Variants in ANKRD44 observed in about 807,000 individuals in gnomAD.
ANKRD44 encodes the protein serine/threonine-protein phosphatase 6 regulatory ankyrin repeat subunit B.
In ANKRD44, 35 loss-of-function variants were observed where a neutral mutation model predicts 116.0. The observed-to-expected ratio is 0.30, with a 90% CI of 0.23 to 0.40. The LOEUF is 0.40. Among genes scored for constraint, ANKRD44 ranks in the 10% least tolerant of loss-of-function variants. The probability of loss-of-function intolerance (pLI) is 1.00; values close to 1 mark genes in which losing one functional copy is unlikely to be tolerated. For missense variants in ANKRD44, 1,014 were observed against 1,242.6 expected (o/e 0.82, Z 2.77); for synonymous variants, 435 against 461.8 (o/e 0.94, Z 0.74).
chr2:197,093,386 T>C (rs746130210), intron 10 of ANKRD44, among the ~76,000 whole-genome samples: 8 of 152,210 alleles, frequency 5.3e-5, no homozygotes, highest in South Asian at 2.1e-4. Flanking sequence ...CTTTGTATAA[T>C]TCATCAAACT....
chr2:197,206,091 G>A lies in ANKRD44; in HGVS notation c.28-18985C>T, dbSNP rs2081199114. Reference sequence around the variant, plus strand: ...CACATTTTAGTAGCTCAGACTGGCTGCGGAGAGGAGAATGGATTGGCGGAG... The same window carrying A: ...CACATTTTAGTAGCTCAGACTGGCTACGGAGAGGAGAATGGATTGGCGGAG... On this transcript the variant is annotated intron_variant, in intron 1 of 27. Transcript: ENST00000282272. Among the ~76,000 whole-genome samples the A allele has an allele frequency of 1.3e-5, 2 of 152,188 alleles. 1 individual carries two copies. The highest frequency in any genetic ancestry group is 4.1e-4 in the South Asian group (2 of 4,838).
At chr2:196,982,106 A>ATTTTT, downstream of ANKRD44, among the ~76,000 whole-genome samples, 2 of 104,864 alleles carry the variant, frequency 1.9e-5, no homozygotes, top group Non-Finnish European at 3.7e-5. Flanking sequence ...TACTAAAAAA[A>ATTTTT]ATTATATATA....
At chr2:197,139,729 C>T (rs1238370638) in intron 3 of ANKRD44, among the ~76,000 whole-genome samples, 3 of 151,832 alleles carry the variant, frequency 2.0e-5, no homozygotes, top group African/African-American at 7.3e-5. Flanking sequence ...CTATATTATT[C>T]TCCATAGTTT....
intron 16 of ANKRD44, among the ~76,000 whole-genome samples, chr2:197,054,045 G>A (rs182600845): frequency 4.1e-4 from 62 of 152,290 alleles, no homozygotes; most frequent in African/African-American, 1.5e-3. Flanking sequence ...CAAAGGAGGA[G>A]AATAGATATC....
At chr2:197,181,854 C>G (rs547266638) in intron 2 of ANKRD44, among the ~76,000 whole-genome samples, 9 of 152,148 alleles carry the variant, frequency 5.9e-5, no homozygotes, top group Non-Finnish European at 4.4e-5. Flanking sequence ...AGTCTAGTTC[C>G]GTTTTAATTT....
chr2:197,068,992 T>A (rs1402913577), intron 16 of ANKRD44, among the ~76,000 whole-genome samples: 2 of 152,198 alleles, frequency 1.3e-5, no homozygotes, highest in Non-Finnish European at 2.9e-5. Context: ...TAAAGACACA[T>A]GCACACATAT....
At chr2:197,118,606 A>G (rs2078768002) in intron 8 of ANKRD44, among the ~76,000 whole-genome samples, 1 of 95,882 alleles carries the variant, frequency 1.0e-5, no homozygotes, top group Non-Finnish European at 2.0e-5. Flanking sequence ...CAAAAGAAAG[A>G]GAGAAAGAAA....
chr2:197,237,110 C>T (rs12162325), intron 1 of ANKRD44, among the ~76,000 whole-genome samples: 51,704 of 152,008 alleles, frequency 0.34, 10,813 homozygotes, highest in East Asian at 0.61. Context: ...AGTCCTTTGC[C>T]GTCAACTGTC....
chr2:196,986,571 TA>T, downstream of ANKRD44: 1 of 400,920 alleles, frequency 2.5e-6, no homozygotes, highest in Non-Finnish European at 3.4e-6. Flanking sequence ...GATTATTTTC[TA>T]AATTTAAAGT....
chr2:197,060,074 C>A (rs942218070), intron 16 of ANKRD44, among the ~76,000 whole-genome samples: 1 of 152,184 alleles, frequency 6.6e-6, no homozygotes, highest in African/African-American at 2.4e-5. Context: ...AGTCTCACAG[C>A]GTGTCACCTG....
intron 17 of ANKRD44, among the ~76,000 whole-genome samples, chr2:197,019,131 C>G (rs1056394306): frequency 7.9e-5 from 12 of 152,106 alleles, no homozygotes; most frequent in Non-Finnish European, 1.8e-4. Flanking sequence ...GAATCAGAAA[C>G]CTAAACCCTT....
At chr2:197,283,968 A>C (rs1475046497) in intron 1 of ANKRD44, among the ~76,000 whole-genome samples, 1 of 152,216 alleles carries the variant, frequency 6.6e-6, no homozygotes, top group Admixed American at 6.5e-5. Flanking sequence ...GAGGTACCAG[A>C]TACAGAGAGA....
At position 197,212,942 on chromosome 2, in the gene ANKRD44, T is replaced by C. The variant is rs572579651; in HGVS notation, c.28-25836A>G. Among the ~76,000 whole-genome samples the C allele has an allele frequency of 6.6e-6, 1 of 152,242 alleles. No homozygotes were observed. The highest frequency in any genetic ancestry group is 1.9e-4 in the East Asian group (1 of 5,188). ...CACAGAGCTGACTGGGATTCTAGTG[T>C]TTAAAGAAACATATTTTTCATACAA... On this transcript the variant is annotated intron_variant, in intron 1 of 27. Transcript: ENST00000282272. The surrounding 1 kb of genome is among the most constrained non-coding windows in gnomAD (Gnocchi z 4.8).
intron 24 of ANKRD44, 149 bp downstream of exon 24, chr2:196,998,758 C>G: frequency 9.1e-7 from 1 of 1,092,898 alleles, no homozygotes; most frequent in Non-Finnish European, 1.3e-6. Context: ...CTGAAAGACG[C>G]TTGAGCAGGT....
At chr2:197,308,172 C>CA (rs765233263) in intron 1 of ANKRD44, among the ~76,000 whole-genome samples, 136 of 63,056 alleles carry the variant, frequency 2.2e-3, no homozygotes, top group African/African-American at 3.5e-3. Context: ...CACACACACA[C>CA]AAAAAAAAAA....
chr2:197,211,609 A>G (rs540038111), intron 1 of ANKRD44, among the ~76,000 whole-genome samples: 10 of 152,164 alleles, frequency 6.6e-5, no homozygotes, highest in Non-Finnish European at 1.5e-4. Context: ...ACTTAAAAAA[A>G]TTAACCATCT....
At position 196,986,982 on chromosome 2, in the gene ANKRD44, G is replaced by A. The variant is rs2075844542; in HGVS notation, c.*2609C>T. The A allele has an allele frequency of 3.0e-6, 3 of 985,188 alleles. No homozygotes were observed. The South Asian group carries it at 1.4e-4, about 46-fold the overall frequency. The allele number at this position is 985,188 out of a possible 1,614,324, so 61.0% of individuals were successfully genotyped here. A position where few individuals can be genotyped will look rare whatever the true frequency, so the allele number is the denominator to read the frequency against. ...ATATGTTATGCAAAATATAACACTG[G>A]CACCAGATTTGTATCATCGTGCTTT... On this transcript the variant is annotated 3_prime_UTR_variant, in exon 28 of 28. Transcript: ENST00000282272.
intron 1 of ANKRD44, among the ~76,000 whole-genome samples, chr2:197,211,408 CCA>C (rs2081320314): frequency 6.6e-6 from 1 of 152,152 alleles, no homozygotes; most frequent in African/African-American, 2.4e-5. Context: ...AATAACTTAG[CCA>C]AGGAGCCAGG....
intron 16 of ANKRD44, among the ~76,000 whole-genome samples, chr2:197,050,128 C>T (rs7575813): frequency 0.57 from 85,901 of 151,968 alleles, 27,286 homozygotes; most frequent in East Asian, 0.86. Flanking sequence ...GAACTTCATA[C>T]GGCTGGAGCA....
Sources: gnomAD v4.1 joint callset for allele counts (sites outside exome capture counted in the v4.1 genomes callset) on GRCh38, gnomAD v4.1.1 for gene constraint, Gnocchi (gnomAD v3.1) non-coding constraint, MANE v1.5 for transcripts, NCBI Gene and HGNC (gene_info 2026-07-23, HGNC 2026-07-21) for gene names.